DNAH11: variants seen among roughly 807,000 people sequenced by gnomAD.
DNAH11 encodes dynein axonemal heavy chain 11, also known as axonemal beta dynein heavy chain 11.
In DNAH11, 442 loss-of-function variants were observed where a neutral mutation model predicts 526.0. That is an observed-to-expected ratio of 0.84 (90% confidence interval 0.78 to 0.91). The LOEUF (loss-of-function observed/expected upper bound fraction) is 0.91, where lower values mean the gene tolerates loss of function less well. DNAH11 is among the 40% of genes least tolerant of loss of function. The pLI is 0.00. For synonymous variants in DNAH11, 2,461 were observed against 1,935.9 expected, an observed-to-expected ratio of 1.27 and a Z score of -7.12; for missense variants, 6,989 against 5,448.7, an observed-to-expected ratio of 1.28 and a Z score of -8.90.
intron 47 of DNAH11, 37 bp downstream of exon 47, chr7:21,738,903 C>T (rs1256306591): frequency 9.6e-6 from 14 of 1,457,814 alleles, no homozygotes; most frequent in Non-Finnish European, 1.3e-5. Context: ...CTCCCAAAAT[C>T]TAATAATTAT....
In DNAH11 at chr7:21,619,241, G is replaced by A; in HGVS notation, c.4377+19G>A. ...TGAGAAGGTAGTGTCCTCGGGACTG[G>A]GTCATTTCTACTTGGCTAATTTTGG... is the stretch of plus-strand genomic sequence containing the variant. On this transcript the variant is annotated intron_variant, in intron 24 of 81. Coordinates refer to ENST00000409508, the MANE Select transcript of DNAH11 (RefSeq NM_001277115.2). 3 of 1,602,974 alleles carry A rather than the reference G, an allele frequency of 1.9e-6. No individual in the cohort carries two copies. The highest frequency in any genetic ancestry group is 2.6e-6 in the Non-Finnish European group (3 of 1,175,148).
In DNAH11 at chr7:21,828,612, A is replaced by T. The variant is rs78439413; in HGVS notation, c.10691+10273A>T. On this transcript the variant is annotated intron_variant, in intron 65 of 81. Coordinates refer to ENST00000409508, the MANE Select transcript of DNAH11 (RefSeq NM_001277115.2). ...TTCTTTTATTTTCTTTTTAAAAAGC[A>T]GTCTTCCAATAAAATAACAAACAAA... is the stretch of plus-strand genomic sequence containing the variant. Among the ~76,000 whole-genome samples the T allele has an allele frequency of 4.5e-4, 68 of 152,318 alleles. 1 individual carries two copies. In the East Asian group the frequency reaches 9.3e-3, roughly 21 times the overall value.
intron 73 of DNAH11, 60 bp from the exon 74 acceptor site, chr7:21,873,214 C>A: frequency 7.4e-7 from 1 of 1,343,676 alleles, no homozygotes. Context: ...AAAATGTAAT[C>A]TTATAATTCA....
intron 8 of DNAH11, 86 bp from the exon 9 acceptor site, chr7:21,581,816 AGAG>A: frequency 1.3e-6 from 1 of 770,354 alleles, no homozygotes; most frequent in Non-Finnish European, 2.2e-6. Flanking sequence ...CGAGCGAGAG[AGAG>A]CTAAAGTAAG....
At chr7:21,547,972 A>T (rs1331926113) in intron 2 of DNAH11, among the ~76,000 whole-genome samples, 1 of 152,208 alleles carries the variant, frequency 6.6e-6, no homozygotes, top group African/African-American at 2.4e-5. Flanking sequence ...TTTTTGTGCT[A>T]GTCCCCTTAC....
At chr7:21,830,251 C>T (rs1790490676) in intron 65 of DNAH11, among the ~76,000 whole-genome samples, 1 of 150,092 alleles carries the variant, frequency 6.7e-6, no homozygotes, top group African/African-American at 2.5e-5. Flanking sequence ...AACTTTTATA[C>T]AAGTTGAATG....
chr7:21,880,681 A>C, intron 74 of DNAH11, 21 bp from the exon 75 acceptor site: 1 of 1,612,758 alleles, frequency 6.2e-7, no homozygotes, highest in Non-Finnish European at 8.5e-7. Context: ...ATAATCAAGC[A>C]TTTCTTCTCT....
At chr7:21,756,050 C>G (rs1487009814) in intron 54 of DNAH11, among the ~76,000 whole-genome samples, 1 of 151,888 alleles carries the variant, frequency 6.6e-6, no homozygotes, top group Non-Finnish European at 1.5e-5. Context: ...TCCTGTTTTA[C>G]ATTCATATTT....
At chr7:21,777,539 G>C (rs776234138) in intron 56 of DNAH11, among the ~76,000 whole-genome samples, 1 of 152,150 alleles carries the variant, frequency 6.6e-6, no homozygotes, top group Admixed American at 6.6e-5. Flanking sequence ...TACCAGCAGT[G>C]TATGAGAGAG....
intron 18 of DNAH11, 59 bp from the exon 19 acceptor site, chr7:21,606,367 T>G: frequency 1.5e-6 from 2 of 1,294,684 alleles, no homozygotes; most frequent in Non-Finnish European, 2.2e-6. Context: ...TTTAATCCTA[T>G]AGGGTTGATT....
rs1168201753 is a variant in DNAH11 at position 21,600,711 on chromosome 7, C to T, written c.3036C>T (p.Val1012=). Residue 1012 remains valine (V), a synonymous_variant, in exon 16 of 82, where the codon GTC becomes GTT. Transcript: ENST00000409508. ...ATAACATGTTAGGCCTGGCAGAGGT[C>T]AGGCAGGAGATCATGAACAGAGTGG... ...DMDNMLGLAE[V]RQEIMNRVVN... is the part of the protein sequence containing the mutation. 12 of 1,613,230 alleles carry T rather than the reference C, an allele frequency of 7.4e-6. No homozygotes were observed. Among genetic ancestry groups the T allele is most frequent in the African/African-American group, 1.3e-5 (1 of 74,902 alleles).
At chr7:21,718,725 C>T (rs1432915995) in intron 43 of DNAH11, among the ~76,000 whole-genome samples, 2 of 152,034 alleles carry the variant, frequency 1.3e-5, no homozygotes, top group African/African-American at 4.8e-5. Flanking sequence ...TTAGAAACCC[C>T]CACACCCTTT....
intron 54 of DNAH11, among the ~76,000 whole-genome samples, chr7:21,761,154 T>A (rs1385546222): frequency 6.6e-6 from 1 of 152,164 alleles, no homozygotes; most frequent in Non-Finnish European, 1.5e-5. Flanking sequence ...ACCATGGGTT[T>A]CTGGAAAAAT....
Position 21,779,493 on chromosome 7 carries a change from C to A in DNAH11, c.9483+389C>A, listed in dbSNP as rs555123707. On this transcript the variant is annotated intron_variant, in intron 57 of 81. Coordinates refer to ENST00000409508, the MANE Select transcript of DNAH11 (RefSeq NM_001277115.2). ...TAACAAAGCCCATTCCGTCACTTTG[C>A]AAGATGGTTTTCAAATTTTGCATTT... Among the ~76,000 whole-genome samples the A allele has an allele frequency of 4.6e-5, 7 of 152,236 alleles. No individual in the cohort carries two copies. The East Asian group carries it at 1.2e-3, about 25-fold the overall frequency.
At position 21,799,401 on chromosome 7, in the gene DNAH11, G is replaced by A. The variant is rs1230620655; in HGVS notation, c.10027-1736G>A. On this transcript the variant is annotated intron_variant, in intron 61 of 81. Coordinates refer to ENST00000409508, the MANE Select transcript of DNAH11 (RefSeq NM_001277115.2). The stretch of plus-strand genomic sequence containing the variant: ...TTCCCAGACTGGAGTGCAATGGCAT[G>A]ATCTCCATTCACTGCAACTTCTGCC... Among the ~76,000 whole-genome samples the A allele has an allele frequency of 2.0e-5, 3 of 151,820 alleles. No homozygotes were observed. In the East Asian group the frequency reaches 5.8e-4, roughly 29 times the overall value.
intron 61 of DNAH11, among the ~76,000 whole-genome samples, chr7:21,799,024 T>C (rs1788843075): frequency 6.6e-6 from 1 of 152,042 alleles, no homozygotes; most frequent in Non-Finnish European, 1.5e-5. Flanking sequence ...TGTAACAGAG[T>C]TTTGAAACCA....
intron 65 of DNAH11, among the ~76,000 whole-genome samples, chr7:21,833,084 T>C (rs1210913629): frequency 2.0e-5 from 3 of 152,198 alleles, no homozygotes; most frequent in Non-Finnish European, 2.9e-5. Flanking sequence ...CCCATGACAG[T>C]GAACTGTCCC....
In DNAH11 at chr7:21,607,422, CAATACTT is replaced by C. The variant is rs1406813546; in HGVS notation, c.3852+690_3852+696del. On this transcript the variant is annotated intron_variant, in intron 20 of 81. Coordinates refer to ENST00000409508, the MANE Select transcript of DNAH11 (RefSeq NM_001277115.2). ...TCACCCTCACAGACACACCCAGGAA[CAATACTT>C]TGTATCCTTCAGTCCAATCATGTTG... 5.9e-5 allele frequency among the ~76,000 whole-genome samples: 9 copies of C among 152,234 alleles called. No homozygotes were observed. In the South Asian group the frequency reaches 1.0e-3, roughly 18 times the overall value.
chr7:21,820,442 A>G (rs1242014221), intron 65 of DNAH11, among the ~76,000 whole-genome samples: 2 of 152,172 alleles, frequency 1.3e-5, no homozygotes, highest in African/African-American at 2.4e-5. Context: ...TTAATGCAAG[A>G]CTCAAAAGTT....
Sources: allele counts gnomAD v4.1 joint callset (sites outside exome capture counted in the v4.1 genomes callset), GRCh38; gene constraint gnomAD v4.1.1; transcripts MANE v1.5; gene names NCBI Gene and HGNC (gene_info 2026-07-23, HGNC 2026-07-21).